The following ACACB variants were observed in gnomAD, a reference collection of about 807,000 sequenced individuals.
The protein encoded by ACACB is acetyl-CoA carboxylase 2.
A neutral mutation model predicts 278.8 loss-of-function variants in ACACB; 209 were observed. The ratio of observed to expected loss-of-function variants is 0.75; its 90% CI spans 0.67 to 0.84. The LOEUF (loss-of-function observed/expected upper bound fraction) is 0.84, where lower values mean the gene tolerates loss of function less well. Ranked by LOEUF, ACACB falls within the 40% of genes least tolerant of loss-of-function variation. ACACB has a pLI of 0.00. For missense variants in ACACB, 2,850 were observed against 3,269.0 expected, an observed-to-expected ratio of 0.87 and a Z score of 3.13; for synonymous variants, 1,174 against 1,285.6, an observed-to-expected ratio of 0.91 and a Z score of 1.86.
At chr12:109,168,921 T>C (rs965214784) in intron 4 of ACACB, among the ~76,000 whole-genome samples, 1 of 152,054 alleles carries the variant, frequency 6.6e-6, no homozygotes, top group Non-Finnish European at 1.5e-5. Context: ...GGCGAATCAC[T>C]TGAGGCCAGG....
intron 50 of ACACB, among the ~76,000 whole-genome samples, 179 bp downstream of exon 50, chr12:109,264,565 C>T (rs978532526): frequency 1.3e-5 from 2 of 152,094 alleles, no homozygotes; most frequent in African/African-American, 4.8e-5. Flanking sequence ...GCACTGCAGA[C>T]CAGTGAAATC....
chr12:109,264,907 G>A (rs2047473428), intron 50 of ACACB, among the ~76,000 whole-genome samples: 1 of 152,130 alleles, frequency 6.6e-6, no homozygotes, highest in African/African-American at 2.4e-5. Context: ...TTTCAACTAT[G>A]GCCAGTCTGG....
intron 51 of ACACB, 47 bp downstream of exon 51, chr12:109,265,327 G>T (rs1214776338): frequency 2.5e-6 from 4 of 1,610,526 alleles, no homozygotes; most frequent in Non-Finnish European, 3.4e-6. Context: ...GGGGTGCTGG[G>T]GGCTGAGACA....
At chr12:109,204,426 C>T (rs2045433277) in intron 19 of ACACB, among the ~76,000 whole-genome samples, 1 of 151,808 alleles carries the variant, frequency 6.6e-6, no homozygotes, top group South Asian at 2.1e-4. Flanking sequence ...AGGCACCTGC[C>T]ACTATGCCCA....
intron 47 of ACACB, 32 bp from the exon 48 acceptor site, chr12:109,260,448 G>A (rs754215320): frequency 8.7e-6 from 14 of 1,613,594 alleles, no homozygotes; most frequent in Non-Finnish European, 1.1e-5. Context: ...ATGAGTGAGG[G>A]CCCTGAACTG....
At chr12:109,158,875 T>C (rs1315965122) in intron 2 of ACACB, among the ~76,000 whole-genome samples, 1 of 152,158 alleles carries the variant, frequency 6.6e-6, no homozygotes, top group Non-Finnish European at 1.5e-5. Context: ...CTCGGGAGGC[T>C]GAGGCAGGAG....
At chr12:109,209,434 C>A in intron 21 of ACACB, 81 bp downstream of exon 21, 1 of 1,440,684 alleles carries the variant, frequency 6.9e-7, no homozygotes, top group East Asian at 2.4e-5. Context: ...TATCTGGCCT[C>A]TGATCAAGTT....
At chr12:109,247,207 CAG>C (rs2046971475) in intron 39 of ACACB, among the ~76,000 whole-genome samples, 1 of 151,744 alleles carries the variant, frequency 6.6e-6, no homozygotes, top group Non-Finnish European at 1.5e-5. Flanking sequence ...CCTTTCCATT[CAG>C]AGCATGCATT....
intron 21 of ACACB, among the ~76,000 whole-genome samples, chr12:109,209,804 T>C (rs942523571): frequency 1.6e-4 from 24 of 147,000 alleles, no homozygotes; most frequent in South Asian, 4.2e-4. Context: ...TATATATATA[T>C]ACACACACAT....
chr12:109,120,194 A>G (rs1375572286), intron 1 of ACACB, among the ~76,000 whole-genome samples: 1 of 152,134 alleles, frequency 6.6e-6, no homozygotes, highest in East Asian at 1.9e-4. Context: ...CTCTTCTGAT[A>G]TGGAGAGCTG....
At chr12:109,122,210 G>A (rs1256469550) in intron 1 of ACACB, among the ~76,000 whole-genome samples, 1 of 152,190 alleles carries the variant, frequency 6.6e-6, no homozygotes, top group Non-Finnish European at 1.5e-5. Context: ...ACCCGGGTGA[G>A]TGACTTTGCG....
chr12:109,204,467 G>A (rs1368581477), intron 19 of ACACB, among the ~76,000 whole-genome samples: 1 of 151,706 alleles, frequency 6.6e-6, no homozygotes, highest in African/African-American at 2.4e-5. Context: ...TAGAGATGGG[G>A]TTTCACCATG....
chr12:109,183,079 T>C (rs2044535473), intron 11 of ACACB, among the ~76,000 whole-genome samples: 1 of 152,218 alleles, frequency 6.6e-6, no homozygotes, highest in South Asian at 2.1e-4. Context: ...CTGTCAAAAA[T>C]CAGTTCACTG....
rs144239265 is a variant in ACACB, at chr12:109,256,751, G to A, written c.6263+515G>A. 9.3e-4 allele frequency among the ~76,000 whole-genome samples: 141 copies of A among 152,202 alleles called. 1 individual carries two copies. The highest frequency in any genetic ancestry group is 2.8e-3 in the African/African-American group (118 of 41,504). On this transcript the variant is annotated intron_variant, in intron 45 of 52. Transcript: ENST00000338432. ...CCTCATCATTTACCACTCATTCCTG[G>A]TACGATGTCGCAGCTATAAGTCCAG... is the stretch of plus-strand genomic sequence containing the variant.
At chr12:109,235,687 CTT>C (rs768887036) in intron 33 of ACACB, 40 bp downstream of exon 33, 2 of 1,575,264 alleles carry the variant, frequency 1.3e-6, no homozygotes, top group Non-Finnish European at 1.7e-6. Context: ...TCTCTAGCAT[CTT>C]GTTTTATTTT....
chr12:109,176,238 A>G lies in ACACB; in HGVS notation c.1412A>G (p.Glu471Gly), dbSNP rs1040911903. 1.2e-6 allele frequency: 2 copies of G among 1,614,060 alleles called. No individual in the cohort carries two copies. Among genetic ancestry groups the G allele is most frequent in the Non-Finnish European group, 1.7e-6 (2 of 1,180,010 alleles). The change falls in exon 9 of 53, where the codon GAG becomes GGG. Residue 471 changes from glutamate to glycine, a missense_variant. This residue lies in a region of ACACB where 2,265 missense variants were observed against 2,561.3 expected (regional missense o/e 0.88). Coordinates refer to ENST00000338432, the MANE Select transcript of ACACB (RefSeq NM_001093.4). ...GKGIRKAESA[E>G]DFPILFRQVQ... ...GGAATCCGGAAGGCTGAGAGTGCGG[A>G]GGACTTCCCGATCCTTTTCAGACAA...
chr12:109,150,953 CTTTTTT>C (rs886164803), intron 2 of ACACB, among the ~76,000 whole-genome samples: 19 of 150,218 alleles, frequency 1.3e-4, no homozygotes, highest in African/African-American at 4.1e-4. Context: ...TTTTCTTTTT[CTTTTTT>C]TCTTTTCTTT....
At chr12:109,125,193 T>A (rs1243214336) in intron 1 of ACACB, 1 of 152,126 alleles carries the variant, frequency 6.6e-6, no homozygotes, top group Admixed American at 6.6e-5. Context: ...ACGAGTTGTT[T>A]TTGTTTTGAG....
At chr12:109,174,868 A>T (rs1013435228) in intron 7 of ACACB, among the ~76,000 whole-genome samples, 3 of 152,148 alleles carry the variant, frequency 2.0e-5, no homozygotes. Context: ...CTGTCTTTAA[A>T]AGGAAACAAC....
Sources: allele counts gnomAD v4.1 joint callset (sites outside exome capture counted in the v4.1 genomes callset), GRCh38; gene constraint gnomAD v4.1.1; regional missense constraint gnomAD v4.1.1; transcripts MANE v1.5; gene names NCBI Gene and HGNC (gene_info 2026-07-23, HGNC 2026-07-21).